Variants in ADK observed in about 807,000 individuals in gnomAD.
The protein encoded by ADK is N6,N6-dimethyladenosine kinase.
ADK carries 24 observed loss-of-function variants against 44.7 expected under a neutral mutation model. The observed-to-expected ratio is 0.54, with a 90% CI of 0.39 to 0.76. The LOEUF (loss-of-function observed/expected upper bound fraction) is 0.76. Among genes scored for constraint, ADK ranks in the 30% least tolerant of loss-of-function variants. The pLI is 0.00. For synonymous variants in ADK, 128 were observed against 142.6 expected, an observed-to-expected ratio of 0.90 and a Z score of 0.73; for missense variants, 321 against 425.1, an observed-to-expected ratio of 0.76 and a Z score of 2.15.
chr10:74,415,833 G>T (rs1844349098), intron 6 of ADK, among the ~76,000 whole-genome samples: 1 of 151,906 alleles, frequency 6.6e-6, no homozygotes, highest in African/African-American at 2.4e-5. Context: ...GACTACAAAT[G>T]ATGCAATTGT....
At chr10:74,205,234 T>A (rs1157419673) in intron 2 of ADK, among the ~76,000 whole-genome samples, 1 of 152,128 alleles carries the variant, frequency 6.6e-6, no homozygotes, top group African/African-American at 2.4e-5. Flanking sequence ...ATGTTTTCAT[T>A]CTGTTATCTA....
At chr10:74,620,755 C>T (rs1007185824) in intron 9 of ADK, among the ~76,000 whole-genome samples, 2 of 151,966 alleles carry the variant, frequency 1.3e-5, no homozygotes, top group Non-Finnish European at 2.9e-5. Context: ...GAGATGATAC[C>T]TCACTGGTTT....
chr10:74,544,130 A>G (rs911664216), intron 7 of ADK, among the ~76,000 whole-genome samples: 1 of 152,034 alleles, frequency 6.6e-6, no homozygotes, highest in Non-Finnish European at 1.5e-5. Context: ...TGATTCTGTG[A>G]TCTTGTGTAT....
At chr10:74,388,927 G>A (rs138226072) in intron 4 of ADK, among the ~76,000 whole-genome samples, 1 of 152,136 alleles carries the variant, frequency 6.6e-6, no homozygotes, top group Non-Finnish European at 1.5e-5. Flanking sequence ...TAGTGAAAAT[G>A]CCAGGCTCTA....
At chr10:74,200,705 CT>C in intron 1 of ADK, 58 bp from the exon 2 acceptor site, 2 of 1,132,612 alleles carry the variant, frequency 1.8e-6, no homozygotes. Flanking sequence ...TTTTGTGTAC[CT>C]TTTACATATC....
At chr10:74,667,255 T>C (rs1461801256) in intron 9 of ADK, among the ~76,000 whole-genome samples, 1 of 152,164 alleles carries the variant, frequency 6.6e-6, no homozygotes, top group Non-Finnish European at 1.5e-5. Context: ...AAGGAGTTCT[T>C]GTAGTTCTTT....
intron 6 of ADK, among the ~76,000 whole-genome samples, chr10:74,421,009 G>C (rs1260881915): frequency 6.6e-6 from 1 of 152,148 alleles, no homozygotes; most frequent in Non-Finnish European, 1.5e-5. Context: ...CCAAAGAACT[G>C]TACATCACAA....
chr10:74,472,670 T>C (rs1326533543), intron 6 of ADK, among the ~76,000 whole-genome samples: 2 of 152,200 alleles, frequency 1.3e-5, no homozygotes, highest in Non-Finnish European at 2.9e-5. Context: ...TTTTTAAAAA[T>C]TAAAGTTTAA....
chr10:74,277,359 C>T (rs1846730434), intron 3 of ADK, among the ~76,000 whole-genome samples: 2 of 151,814 alleles, frequency 1.3e-5, no homozygotes, highest in African/African-American at 4.8e-5. Flanking sequence ...TTTACTTTTT[C>T]ATTTTGAAGT....
At chr10:74,559,578 A>G (rs1040595092) in intron 7 of ADK, among the ~76,000 whole-genome samples, 7 of 152,214 alleles carry the variant, frequency 4.6e-5, no homozygotes, top group Non-Finnish European at 1.0e-4. Context: ...AATTCTTAGT[A>G]AAGGAAAATT....
At chr10:74,469,209 C>T (rs796718244) in intron 6 of ADK, among the ~76,000 whole-genome samples, 23 of 152,026 alleles carry the variant, frequency 1.5e-4, no homozygotes, top group African/African-American at 4.8e-4. Flanking sequence ...CATGATAGTG[C>T]GCACTTGTAG....
chr10:74,279,449 G>A (rs1188218810), intron 3 of ADK, among the ~76,000 whole-genome samples: 1 of 151,890 alleles, frequency 6.6e-6, no homozygotes, highest in Non-Finnish European at 1.5e-5. Context: ...AGCTGGGCAT[G>A]GTGGCTCATG....
chr10:74,173,257 A>AT (rs919135161), intron 1 of ADK, among the ~76,000 whole-genome samples: 17 of 146,120 alleles, frequency 1.2e-4, no homozygotes, highest in South Asian at 4.4e-4. Flanking sequence ...CGCCCGGCTA[A>AT]TTTTTTTTTT....
chr10:74,242,029 T>G (rs947986567), intron 3 of ADK, among the ~76,000 whole-genome samples: 1 of 152,226 alleles, frequency 6.6e-6, no homozygotes, highest in Admixed American at 6.5e-5. Flanking sequence ...TATATGCTGG[T>G]TCAGCTATCC....
chr10:74,350,996 G>C (rs1048329550), intron 4 of ADK, among the ~76,000 whole-genome samples: 1 of 152,108 alleles, frequency 6.6e-6, no homozygotes, highest in Non-Finnish European at 1.5e-5. Flanking sequence ...TTCTACCAGA[G>C]GTTCAAAGAG....
At chr10:74,211,420 A>G (rs1230119203) in intron 2 of ADK, among the ~76,000 whole-genome samples, 2 of 152,352 alleles carry the variant, frequency 1.3e-5, no homozygotes, top group East Asian at 3.9e-4. Context: ...GTAAAATTTA[A>G]ATACATTTAA....
chr10:74,698,578 G>A (rs1856289413), intron 10 of ADK, among the ~76,000 whole-genome samples: 1 of 152,090 alleles, frequency 6.6e-6, no homozygotes, highest in Non-Finnish European at 1.5e-5. Context: ...GTTTGAGATA[G>A]TGTCTCACTC....
chr10:74,340,654 T>C (rs993531288), intron 4 of ADK, among the ~76,000 whole-genome samples: 2 of 152,118 alleles, frequency 1.3e-5, no homozygotes, highest in African/African-American at 4.8e-5. Context: ...AGAAATAACA[T>C]AAATAGAAAT....
In ADK at chr10:74,598,440, C is replaced by CTTTT. The variant is rs367982701; in HGVS notation, c.763-1939_763-1938insTTTT. Among the ~76,000 whole-genome samples the CTTTT allele has an allele frequency of 3.2e-4, 37 of 114,062 alleles. 2 individuals are homozygous for CTTTT. Among genetic ancestry groups the CTTTT allele is most frequent in the East Asian group, 2.2e-3 (6 of 2,742 alleles). 74.8% of individuals were successfully genotyped at this position (114,062 alleles called of 152,430 possible). A position where few individuals can be genotyped will look rare whatever the true frequency, so the allele number is the denominator to read the frequency against. The stretch of plus-strand genomic sequence containing the variant: ...TAGAAAGCAACCATGGAATCTTATT[C>CTTTT]CTTTTTTTTTTTTTTTTTTTTTTTT... On this transcript the variant is annotated intron_variant, in intron 8 of 10. Coordinates refer to ENST00000539909, the MANE Select transcript of ADK (RefSeq NM_006721.4).
Sources: gnomAD v4.1 joint callset for allele counts (sites outside exome capture counted in the v4.1 genomes callset) on GRCh38, gnomAD v4.1.1 for gene constraint, MANE v1.5 for transcripts, NCBI Gene and HGNC (gene_info 2026-07-23, HGNC 2026-07-21) for gene names.